The following UPRT variants were observed in gnomAD, a reference collection of about 807,000 sequenced individuals.
The protein encoded by UPRT is RP11-311P8.3.
A neutral mutation model predicts 22.6 loss-of-function variants in UPRT; 5 were observed. The ratio of observed to expected loss-of-function variants is 0.22; its 90% CI spans 0.12 to 0.47. The LOEUF (loss-of-function observed/expected upper bound fraction) is 0.47. Among genes scored for constraint, UPRT ranks in the 20% least tolerant of loss-of-function variants. The pLI, the probability that UPRT is intolerant of heterozygous loss-of-function variation, is 0.99. For synonymous variants in UPRT, 77 were observed against 87.7 expected (o/e 0.88, Z 0.68); for missense variants, 181 against 239.9 (o/e 0.75, Z 1.62).
intron 4 of UPRT, among the ~76,000 whole-genome samples, chrX:75,170,411 T>G (rs1426386650): frequency 8.9e-6 from 1 of 111,801 alleles, no homozygotes; most frequent in East Asian, 2.8e-4. Context: ...TCGCTTTTGG[T>G]GTCCATTTGC....
chrX:75,291,235 A>G (rs1451592179), intron 1 of UPRT, among the ~76,000 whole-genome samples: 2 of 112,154 alleles, frequency 1.8e-5, no homozygotes, highest in Non-Finnish European at 3.8e-5. Context: ...GTGCCTGGAT[A>G]TCATTATCTG....
chrX:75,255,976 TAAAC>T (rs1230582050), intron 4 of UPRT, among the ~76,000 whole-genome samples: 2 of 111,635 alleles, frequency 1.8e-5, no homozygotes, highest in Non-Finnish European at 3.8e-5. Flanking sequence ...AGTCAACAAA[TAAAC>T]AATGGATTTA....
At chrX:75,297,104 AGAATG>A (rs1434345801) in intron 3 of UPRT, among the ~76,000 whole-genome samples, 1 of 111,701 alleles carries the variant, frequency 9.0e-6, no homozygotes, top group Non-Finnish European at 1.9e-5. Context: ...CTCATAAAGA[AGAATG>A]GAATGAGGAA....
chrX:75,219,553 A>G (rs930589301), intron 4 of UPRT, among the ~76,000 whole-genome samples: 23 of 111,526 alleles, frequency 2.1e-4, no homozygotes, highest in African/African-American at 7.5e-4. Flanking sequence ...ATAAATAAAT[A>G]TAAGACTAAA....
chrX:75,279,773 G>A lies in UPRT; in HGVS notation c.386+5133G>A, dbSNP rs779912258. 1.0e-4 allele frequency among the ~76,000 whole-genome samples: 11 copies of A among 110,548 alleles called. No homozygotes were observed. The East Asian group carries it at 3.2e-3, about 32-fold the overall frequency. ...AAGCAGTATACACTGCATCATATTT[G>A]TAGTCTTTTATCCCTTGACCCCCTC... On this transcript the variant is annotated intron_variant, in intron 1 of 6. Transcript: ENST00000373383.
At position 75,304,237 on chromosome X, in the gene UPRT, G is replaced by A. The variant is rs1289731178; in HGVS notation, c.*726G>A. 4.5e-5 allele frequency: 5 copies of A among 111,420 alleles called. No individual in the cohort carries two copies. The highest frequency in any genetic ancestry group is 3.8e-4 in the Admixed American group (4 of 10,402). The allele number at this position is 111,420 out of a possible 1,213,427, so 9.2% of individuals were successfully genotyped here. On this transcript the variant is annotated 3_prime_UTR_variant, in exon 7 of 7. Transcript: ENST00000373383. The stretch of plus-strand genomic sequence containing the variant: ...CTGGATGCTGACAAGGGAGAGCCAA[G>A]TACTGTTAATGCCATCAATCCTCTA...
At chrX:75,189,692 A>T (rs1215697270) in intron 4 of UPRT, among the ~76,000 whole-genome samples, 1 of 112,043 alleles carries the variant, frequency 8.9e-6, no homozygotes, top group African/African-American at 3.2e-5. Context: ...TATGTTTAGG[A>T]TATTTAGCTC....
At chrX:75,233,716 T>G (rs1327364389) in intron 4 of UPRT, among the ~76,000 whole-genome samples, 1 of 110,836 alleles carries the variant, frequency 9.0e-6, no homozygotes, top group Non-Finnish European at 1.9e-5. Context: ...AATAAAATCC[T>G]TTACAGACAA....
intron 4 of UPRT, among the ~76,000 whole-genome samples, chrX:75,174,343 G>A (rs1468251256): frequency 1.8e-5 from 2 of 111,561 alleles, no homozygotes; most frequent in East Asian, 2.8e-4. Flanking sequence ...AGTAGAAGTT[G>A]TTAGTTGAAC....
chrX:75,276,894 C>T (rs2082633700), intron 1 of UPRT, among the ~76,000 whole-genome samples: 1 of 111,328 alleles, frequency 9.0e-6, no homozygotes, highest in African/African-American at 3.3e-5. Context: ...CATTTTCACC[C>T]AACCCACCCA....
chrX:75,160,227 C>T (rs1369199517), intron 1 of UPRT, among the ~76,000 whole-genome samples: 1 of 111,647 alleles, frequency 9.0e-6, no homozygotes, highest in Non-Finnish European at 1.9e-5. Context: ...TGATTTTCCT[C>T]TTCGTTTTCT....
chrX:75,168,598 C>T (rs1174716770), intron 4 of UPRT, among the ~76,000 whole-genome samples: 2 of 111,047 alleles, frequency 1.8e-5, no homozygotes, highest in African/African-American at 6.6e-5. Context: ...GGCACGATCT[C>T]GGCTCACCGC....
intron 4 of UPRT, among the ~76,000 whole-genome samples, chrX:75,215,806 C>T (rs1194211393): frequency 9.0e-6 from 1 of 111,230 alleles, no homozygotes; most frequent in Non-Finnish European, 1.9e-5. Context: ...TGCACACGTA[C>T]TTCCTGTATC....
At chrX:75,296,001 TAAG>T (rs767930164) in intron 2 of UPRT, among the ~76,000 whole-genome samples, 1 of 112,043 alleles carries the variant, frequency 8.9e-6, no homozygotes, top group African/African-American at 3.2e-5. Context: ...TCCAGAATAA[TAAG>T]AAGTATATTA....
intron 4 of UPRT, among the ~76,000 whole-genome samples, chrX:75,231,061 G>C (rs2082437030): frequency 9.0e-6 from 1 of 110,754 alleles, no homozygotes; most frequent in African/African-American, 3.3e-5. Context: ...AACCCCAAAA[G>C]ATCACACTAG....
At chrX:75,262,721 A>G (rs908289278) in intron 4 of UPRT, among the ~76,000 whole-genome samples, 1 of 112,119 alleles carries the variant, frequency 8.9e-6, no homozygotes, top group Non-Finnish European at 1.9e-5. Context: ...GCATTACATA[A>G]TGGTAAAGGA....
intron 3 of UPRT, among the ~76,000 whole-genome samples, chrX:75,163,311 C>T (rs1396733173): frequency 8.9e-6 from 1 of 111,901 alleles, no homozygotes; most frequent in African/African-American, 3.2e-5. Context: ...GGACAGGACC[C>T]TCTTTTAAAG....
At chrX:75,293,390 A>G in intron 1 of UPRT, 82 bp from the exon 2 acceptor site, 4 of 919,097 alleles carry the variant, frequency 4.4e-6, no homozygotes, top group East Asian at 3.2e-5. Flanking sequence ...ATAGGTCTTA[A>G]TATCAGTGTT....
At chrX:75,169,493 G>T (rs904102074) in intron 4 of UPRT, among the ~76,000 whole-genome samples, 1 of 111,476 alleles carries the variant, frequency 9.0e-6, no homozygotes, top group Non-Finnish European at 1.9e-5. Flanking sequence ...TTGCACTGTG[G>T]TTTTGATTTT....
Sources: allele counts gnomAD v4.1 joint callset (sites outside exome capture counted in the v4.1 genomes callset), GRCh38; gene constraint gnomAD v4.1.1; transcripts MANE v1.5; gene names NCBI Gene and HGNC (gene_info 2026-07-23, HGNC 2026-07-21).